Variants in PCDHA2 observed in about 807,000 individuals in gnomAD.
PCDHA2 encodes protocadherin alpha-2.
A neutral mutation model predicts 66.0 loss-of-function variants in PCDHA2; 58 were observed. That is an observed-to-expected ratio of 0.88 (90% CI 0.71 to 1.09). The LOEUF is 1.09. PCDHA2 is among the 50% of genes least tolerant of loss of function. PCDHA2 has a pLI of 0.00. For synonymous variants in PCDHA2, 634 were observed against 554.0 expected (o/e 1.14, Z -2.03); for missense variants, 1,267 against 1,242.3 (o/e 1.02, Z -0.30).
intron 1 of PCDHA2, chr5:140,822,338 C>A: frequency 1.9e-6 from 3 of 1,614,052 alleles, no homozygotes; most frequent in South Asian, 1.1e-5. Flanking sequence ...GAAGAAGAAA[C>A]GAACTTTTTA....
intron 1 of PCDHA2, among the ~76,000 whole-genome samples, chr5:140,820,161 T>G (rs2150106041): frequency 6.6e-6 from 1 of 152,014 alleles, no homozygotes; most frequent in African/African-American, 2.4e-5. Context: ...GTATGAAAAC[T>G]ATTAGGCAAA....
At chr5:140,823,772 T>C in intron 1 of PCDHA2, 1 of 1,613,812 alleles carries the variant, frequency 6.2e-7, no homozygotes, top group Non-Finnish European at 8.5e-7. Context: ...ACAGTGCTGG[T>C]GTCGCTGGTG....
intron 1 of PCDHA2, chr5:140,861,361 T>C: frequency 2.8e-6 from 1 of 352,562 alleles, no homozygotes; most frequent in Admixed American, 3.2e-5. Flanking sequence ...CATAGCGTCT[T>C]CGCGGTCCCT....
intron 1 of PCDHA2, chr5:140,827,914 G>T: frequency 4.6e-6 from 4 of 864,114 alleles, no homozygotes; most frequent in Non-Finnish European, 5.4e-6. Flanking sequence ...GCATGATGTC[G>T]CTGTCTACCA....
At chr5:140,968,116 A>C in intron 1 of PCDHA2, 1 of 1,614,174 alleles carries the variant, frequency 6.2e-7, no homozygotes, top group South Asian at 1.1e-5. Context: ...CGCAGCTCAC[A>C]TCCCTGCGTA....
chr5:140,868,892 A>C (rs1450985948), intron 1 of PCDHA2: 8 of 760,982 alleles, frequency 1.1e-5, no homozygotes, highest in Non-Finnish European at 1.6e-5. Context: ...TTTTAGGCGC[A>C]AGGTGTCGCT....
chr5:140,886,327 A>G (rs2060943233), intron 1 of PCDHA2, among the ~76,000 whole-genome samples: 1 of 152,162 alleles, frequency 6.6e-6, no homozygotes, highest in Admixed American at 6.5e-5. Flanking sequence ...GTTCTGGGAT[A>G]CATGTGCAGA....
chr5:140,800,950 A>T, intron 1 of PCDHA2: 1 of 1,105,816 alleles, frequency 9.0e-7, no homozygotes, highest in South Asian at 2.8e-5. Context: ...TTCAAACGAC[A>T]TACAAGGAAA....
chr5:140,870,409 G>T, intron 1 of PCDHA2: 1 of 1,614,226 alleles, frequency 6.2e-7, no homozygotes, highest in South Asian at 1.1e-5. Context: ...TTCTCTGTGG[G>T]CCACGGCCAG....
At position 140,795,983 on chromosome 5, in the gene PCDHA2, T is replaced by C; in HGVS notation, c.1019T>C (p.Leu340Pro). 1 of 1,614,136 alleles carries C rather than the reference T, an allele frequency of 6.2e-7. No individual in the cohort carries two copies. Among genetic ancestry groups the C allele is most frequent in the Non-Finnish European group, 8.5e-7 (1 of 1,180,030 alleles). The change falls in exon 1 of 4, where the codon CTT (leucine) becomes CCT (proline). Residue 340 changes from leucine to proline, a missense_variant. Physicochemically the swap from Leu to Pro is moderately conservative, Grantham distance 98. Transcript: ENST00000526136. ...MSGHCKISLK[L>P]VDINDNTPEV... ...GGACATTGTAAAATTTCATTAAAAC[T>C]TGTGGACATCAATGATAACACACCA...
rs1275067211 is a variant in PCDHA2 at position 140,796,552 on chromosome 5, C to G, written c.1588C>G (p.Leu530Val). The G allele has an allele frequency of 8.7e-6, 14 of 1,612,986 alleles. No homozygotes were observed. The highest frequency in any genetic ancestry group is 1.3e-5 in the African/African-American group (1 of 74,872). ...LQPLDHEEVE[L>V]LQFQVSARDA... ...GCCGCTGGACCACGAGGAAGTGGAG[C>G]TGCTGCAGTTCCAGGTGAGCGCGCG... Residue 530 changes from leucine (L) to valine (V), a missense_variant, in exon 1 of 4, where the codon CTG (leucine) becomes GTG (valine). Physicochemically the swap from Leu to Val is conservative, Grantham distance 32. Transcript: ENST00000526136.
intron 1 of PCDHA2, chr5:140,822,947 A>T: frequency 6.2e-7 from 1 of 1,614,242 alleles, no homozygotes. Context: ...CTAATGCCCC[A>T]CGTTCCCTTC....
At position 140,821,972 on chromosome 5, in the gene PCDHA2, C is replaced by T. The variant is rs2150112402; in HGVS notation, c.2388+24620C>T. On this transcript the variant is annotated intron_variant, in intron 1 of 3. Transcript: ENST00000526136. ...CTGGTGCCGCGCCTGTTCCGGGTGG[C>T]GTCCAAGGGCCGCGGGGACCTTCTG... The T allele has an allele frequency of 7.4e-6, 12 of 1,614,018 alleles. No homozygotes were observed. In the African/African-American group the frequency reaches 9.3e-5, roughly 13 times the overall value.
chr5:140,939,710 T>A (rs1317905162), intron 1 of PCDHA2, among the ~76,000 whole-genome samples: 8 of 152,230 alleles, frequency 5.3e-5, no homozygotes, highest in Non-Finnish European at 1.2e-4. Context: ...ATTTGTGAGA[T>A]ACATTTATAT....
chr5:140,882,126 T>C, intron 1 of PCDHA2: 1 of 1,466,718 alleles, frequency 6.8e-7, no homozygotes, highest in East Asian at 2.3e-5. Flanking sequence ...GTTTCTTTCT[T>C]CCTGCAGAAA....
chr5:140,870,898 G>A (rs781950776), intron 1 of PCDHA2: 124 of 1,613,858 alleles, frequency 7.7e-5, no homozygotes, highest in Non-Finnish European at 1.0e-4. Flanking sequence ...AGTGGATGCG[G>A]ACTCAGGCTA....
chr5:140,892,144 G>T (rs549500463), intron 1 of PCDHA2, among the ~76,000 whole-genome samples: 1 of 152,102 alleles, frequency 6.6e-6, no homozygotes, highest in Non-Finnish European at 1.5e-5. Context: ...TGGTTTTAGC[G>T]TCTATTTCTG....
intron 1 of PCDHA2, among the ~76,000 whole-genome samples, chr5:140,913,961 A>T (rs909283613): frequency 2.0e-5 from 3 of 149,744 alleles, no homozygotes; most frequent in South Asian, 2.1e-4. Context: ...TATCATTTTT[A>T]AAAAAATATT....
At chr5:140,811,257 T>G (rs1002878991) in intron 1 of PCDHA2, 9 of 152,306 alleles carry the variant, frequency 5.9e-5, no homozygotes, top group African/African-American at 2.2e-4. Flanking sequence ...GAACATGCAG[T>G]GTTTGGTTTT....
Sources: allele counts gnomAD v4.1 joint callset (sites outside exome capture counted in the v4.1 genomes callset), GRCh38; gene constraint gnomAD v4.1.1; transcripts MANE v1.5; gene names NCBI Gene and HGNC (gene_info 2026-07-23, HGNC 2026-07-21).